IFNAR2: variants seen among roughly 807,000 people sequenced by gnomAD.
IFNAR2 encodes interferon alpha and beta receptor subunit 2, also known as interferon alpha/beta receptor 2.
IFNAR2 carries 30 observed loss-of-function variants against 49.4 expected under a neutral mutation model. The observed-to-expected ratio is 0.61, with a 90% confidence interval of 0.45 to 0.82. The LOEUF (loss-of-function observed/expected upper bound fraction) is 0.82. IFNAR2 is among the 40% of genes least tolerant of loss of function. IFNAR2 has a pLI of 0.00. For synonymous variants in IFNAR2, 224 were observed against 234.5 expected, an observed-to-expected ratio of 0.96 and a Z score of 0.41; for missense variants, 600 against 622.7, an observed-to-expected ratio of 0.96 and a Z score of 0.39.
rs542712887 is a variant in IFNAR2, at chr21:33,240,563, G to A, written c.-83-1277G>A. Among the ~76,000 whole-genome samples, 29 of 152,292 alleles carry A rather than the reference G, an allele frequency of 1.9e-4. No individual in the cohort carries two copies. The South Asian group carries it at 6.0e-3, about 32-fold the overall frequency. On this transcript the variant is annotated intron_variant, in intron 1 of 8. Transcript: ENST00000342136. Reference sequence around the variant, plus strand: ...GTGGCTAGGTGTGGTGCTCACATCTGTAATCCCAGCACTTTGGGAGGCCAA... The same window carrying A: ...GTGGCTAGGTGTGGTGCTCACATCTATAATCCCAGCACTTTGGGAGGCCAA...
chr21:33,262,069 A>G (rs1956513795), intron 8 of IFNAR2, among the ~76,000 whole-genome samples: 1 of 152,092 alleles, frequency 6.6e-6, no homozygotes, highest in Non-Finnish European at 1.5e-5. Context: ...TAAAGTGGGC[A>G]TAAGAATAGT....
At chr21:33,252,334 C>A in intron 6 of IFNAR2, 1 of 644,456 alleles carries the variant, frequency 1.6e-6, no homozygotes, top group Non-Finnish European at 2.4e-6. Flanking sequence ...TAGACACACA[C>A]TGTCCATGAG....
chr21:33,239,426 G>A (rs1030112340), intron 1 of IFNAR2, among the ~76,000 whole-genome samples: 5 of 152,114 alleles, frequency 3.3e-5, no homozygotes, highest in South Asian at 2.1e-4. Flanking sequence ...TTCCCCCTCC[G>A]GCCCAGAGTG....
intron 6 of IFNAR2, among the ~76,000 whole-genome samples, chr21:33,250,917 G>A (rs1987792654): frequency 6.6e-6 from 1 of 152,240 alleles, no homozygotes; most frequent in South Asian, 2.1e-4. Flanking sequence ...TGAAGCAGGT[G>A]AGGGTTAGAT....
At chr21:33,250,767 G>T (rs369097830) in intron 6 of IFNAR2, among the ~76,000 whole-genome samples, 2 of 152,172 alleles carry the variant, frequency 1.3e-5, no homozygotes, top group Non-Finnish European at 2.9e-5. Flanking sequence ...TTGAACTCCT[G>T]ACCTCAGGCG....
Position 33,252,720 on chromosome 21 carries a change from T to C in IFNAR2, c.599T>C (p.Leu200Ser). 1 of 1,613,752 alleles carries C rather than the reference T, an allele frequency of 6.2e-7. No individual in the cohort carries two copies. The highest frequency in any genetic ancestry group is 8.5e-7 in the Non-Finnish European group (1 of 1,179,684). ...AATTTCACCTATATCATTGACAAGT[T>C]AATTCCAAACACGAACTACTGTGTA... ...SGNFTYIIDK[L>S]IPNTNYCVSV... Residue 200 changes from leucine to serine, a missense_variant, in exon 7 of 9, where the codon TTA becomes TCA. Transcript: ENST00000342136.
intron 7 of IFNAR2, among the ~76,000 whole-genome samples, chr21:33,257,262 C>T (rs1015032597): frequency 2.6e-5 from 4 of 152,162 alleles, no homozygotes; most frequent in African/African-American, 7.2e-5. Flanking sequence ...TTCGTGGTCT[C>T]GCTGACTTCA....
chr21:33,231,222 G>T (rs181468040), intron 1 of IFNAR2, among the ~76,000 whole-genome samples: 1 of 152,244 alleles, frequency 6.6e-6, no homozygotes, highest in African/African-American at 2.4e-5. Flanking sequence ...GCAGGCTTGA[G>T]GGGGTGAGGG....
chr21:33,249,016 A>G (rs981653805), intron 6 of IFNAR2, among the ~76,000 whole-genome samples, 162 bp downstream of exon 6: 1 of 152,216 alleles, frequency 6.6e-6, no homozygotes, highest in Admixed American at 6.5e-5. Context: ...TTCATTCACT[A>G]TTGATCTAAA....
At chr21:33,253,843 G>A (rs886726732) in intron 7 of IFNAR2, among the ~76,000 whole-genome samples, 1 of 152,120 alleles carries the variant, frequency 6.6e-6, no homozygotes, top group Non-Finnish European at 1.5e-5. Context: ...GACCATCTTG[G>A]TTTTGGTGGG....
intron 7 of IFNAR2, among the ~76,000 whole-genome samples, chr21:33,254,555 GA>G (rs1408119935): frequency 6.6e-6 from 1 of 152,158 alleles, no homozygotes; most frequent in Non-Finnish European, 1.5e-5. Flanking sequence ...AGTCCAGTAA[GA>G]AACATTTACA....
At chr21:33,238,003 A>G (rs769086804) in intron 1 of IFNAR2, among the ~76,000 whole-genome samples, 6 of 152,204 alleles carry the variant, frequency 3.9e-5, no homozygotes, top group Non-Finnish European at 7.3e-5. Context: ...CAGATAAGCT[A>G]TAGGTCTGCC....
chr21:33,264,016 G>C lies in IFNAR2; in HGVS notation c.*516G>C, dbSNP rs1171954496. 6.5e-6 allele frequency: 1 copy of C among 152,948 alleles called. No individual in the cohort carries two copies. The highest frequency in any genetic ancestry group is 1.5e-5 in the Non-Finnish European group (1 of 68,796). The allele number at this position is 152,948 out of a possible 1,614,324, so 9.5% of individuals were successfully genotyped here. On this transcript the variant is annotated 3_prime_UTR_variant, in exon 9 of 9. Coordinates refer to ENST00000342136, the MANE Select transcript of IFNAR2 (RefSeq NM_001289125.3). ...TGGGATTACAGGCGCCTGCCACCAT[G>C]CCTAGCAAATTTTTGTATTTTTAGT...
chr21:33,250,757 T>G (rs1987782264), intron 6 of IFNAR2, among the ~76,000 whole-genome samples: 1 of 152,176 alleles, frequency 6.6e-6, no homozygotes, highest in African/African-American at 2.4e-5. Context: ...CAGGCTGGTG[T>G]TGAACTCCTG....
At position 33,241,905 on chromosome 21, in the gene IFNAR2, A is replaced by T. The variant is rs1568881052; in HGVS notation, c.-18A>T. 6.2e-7 allele frequency: 1 copy of T among 1,610,536 alleles called. No homozygotes were observed. The highest frequency in any genetic ancestry group is 8.5e-7 in the Non-Finnish European group (1 of 1,177,226). On this transcript the variant is annotated 5_prime_UTR_variant, in exon 2 of 9. Transcript: ENST00000342136. ...TTTCAGATGTAAAAGTCAAGAGAAG[A>T]CTCTAAAAATAGCAAAGATGCTTTT...
At chr21:33,231,890 T>G (rs1887895360) in intron 1 of IFNAR2, 1 of 152,786 alleles carries the variant, frequency 6.5e-6, no homozygotes, top group African/African-American at 2.4e-5. Flanking sequence ...TACAGGCGTG[T>G]GCTACTACGC....
In IFNAR2 at chr21:33,229,956, C is replaced by T. The variant is rs17860248; in HGVS notation, c.-344C>T. On this transcript the variant is annotated 5_prime_UTR_variant, in exon 1 of 9. Coordinates refer to ENST00000342136, the MANE Select transcript of IFNAR2 (RefSeq NM_001289125.3). The stretch of plus-strand genomic sequence containing the variant: ...CGCTTCCGTATCGCTCCTCGTAGGC[C>T]GGGGCTCGGCGCGCGCACCCGCACT... 7.0e-3 allele frequency: 6,929 copies of T among 983,946 alleles called. 26 individuals carry two copies. The highest frequency in any genetic ancestry group is 7.8e-3 in the Admixed American group (126 of 16,152). 61.0% of individuals were successfully genotyped at this position (983,946 alleles called of 1,614,324 possible). A position where few individuals can be genotyped will look rare whatever the true frequency, so the allele number is the denominator to read the frequency against.
At position 33,263,752 on chromosome 21, in the gene IFNAR2, C is replaced by G. The variant is rs1276038519; in HGVS notation, c.*252C>G. The G allele has an allele frequency of 2.0e-6, 1 of 490,250 alleles. No individual in the cohort carries two copies. The highest frequency in any genetic ancestry group is 3.6e-6 in the Non-Finnish European group (1 of 274,440). 30.4% of individuals were successfully genotyped at this position (490,250 alleles called of 1,614,324 possible). On this transcript the variant is annotated 3_prime_UTR_variant, in exon 9 of 9. Coordinates refer to ENST00000342136, the MANE Select transcript of IFNAR2 (RefSeq NM_001289125.3). ...AGCACATGTGCACCTTTCCTTTACACTAATGCACTTAGGATGTTTCTGCAT... is the reference window on the plus strand; with the variant it reads ...AGCACATGTGCACCTTTCCTTTACAGTAATGCACTTAGGATGTTTCTGCAT...
intron 1 of IFNAR2, among the ~76,000 whole-genome samples, chr21:33,239,687 A>C (rs8127500): frequency 2.1e-5 from 3 of 144,690 alleles, no homozygotes; most frequent in Non-Finnish European, 4.5e-5. Context: ...TATACCCTCC[A>C]TTCTGCAGAC....
Sources: allele counts gnomAD v4.1 joint callset (sites outside exome capture counted in the v4.1 genomes callset), GRCh38; gene constraint gnomAD v4.1.1; transcripts MANE v1.5; gene names NCBI Gene and HGNC (gene_info 2026-07-23, HGNC 2026-07-21).